MAGI2: variants seen among roughly 807,000 people sequenced by gnomAD.
MAGI2 encodes the protein membrane-associated guanylate kinase, WW and PDZ domain-containing protein 2.
In MAGI2, 35 loss-of-function variants were observed where a neutral mutation model predicts 133.3. The ratio of observed to expected loss-of-function variants is 0.26; its 90% CI spans 0.20 to 0.35. The LOEUF (loss-of-function observed/expected upper bound fraction) is 0.35. Ranked by LOEUF, MAGI2 falls within the 10% of genes least tolerant of loss-of-function variation. MAGI2 has a pLI of 1.00. For missense variants in MAGI2, 1,636 were observed against 1,863.4 expected, an observed-to-expected ratio of 0.88 and a Z score of 2.25; for synonymous variants, 729 against 710.6, an observed-to-expected ratio of 1.03 and a Z score of -0.41.
chr7:78,729,865 A>T (rs1821198601), intron 2 of MAGI2, among the ~76,000 whole-genome samples: 1 of 152,184 alleles, frequency 6.6e-6, no homozygotes, highest in African/African-American at 2.4e-5. Context: ...CTTATCAGGG[A>T]AAATAAACAG....
At chr7:78,147,908 C>A (rs1279091670) in intron 16 of MAGI2, among the ~76,000 whole-genome samples, 6 of 151,672 alleles carry the variant, frequency 4.0e-5, no homozygotes, top group African/African-American at 1.2e-4. Flanking sequence ...ATTAAAAAAA[C>A]CATAAAACCT....
chr7:78,683,975 C>T (rs984555677), intron 2 of MAGI2, among the ~76,000 whole-genome samples: 3 of 152,116 alleles, frequency 2.0e-5, no homozygotes, highest in African/African-American at 7.2e-5. Context: ...ATAAGATTAA[C>T]GGGGCTTCTC....
At chr7:78,286,574 G>A (rs1194283597) in intron 9 of MAGI2, among the ~76,000 whole-genome samples, 1 of 152,146 alleles carries the variant, frequency 6.6e-6, no homozygotes, top group African/African-American at 2.4e-5. Context: ...GCAAGGCATG[G>A]TCTAGGTTTT....
rs115677105 is a variant in MAGI2 at position 78,079,553 on chromosome 7, G to A, written c.3568-468C>T. Among the ~76,000 whole-genome samples, 784 of 152,260 alleles carry A rather than the reference G, an allele frequency of 5.1e-3. 8 individuals carry two copies. Among genetic ancestry groups the A allele is most frequent in the African/African-American group, 0.018 (758 of 41,558 alleles). On this transcript the variant is annotated intron_variant, in intron 20 of 21. Coordinates refer to ENST00000354212, the MANE Select transcript of MAGI2 (RefSeq NM_012301.4). ...TTTATTGGTTTTTGTGCTTCTCTGAGAATTTTTTGTATGTATCATTTAAAT... is the reference window on the plus strand; with the variant it reads ...TTTATTGGTTTTTGTGCTTCTCTGAAAATTTTTTGTATGTATCATTTAAAT...
At chr7:78,209,566 G>A (rs1554501090) in intron 10 of MAGI2, among the ~76,000 whole-genome samples, 1 of 152,020 alleles carries the variant, frequency 6.6e-6, no homozygotes. Flanking sequence ...TGGCCTGAAA[G>A]TCATTCTTAA....
intron 2 of MAGI2, among the ~76,000 whole-genome samples, chr7:78,876,510 A>G (rs1365970069): frequency 2.6e-5 from 4 of 152,092 alleles, no homozygotes; most frequent in African/African-American, 9.7e-5. Flanking sequence ...CAAGAATTTC[A>G]ATTAACCCAA....
At chr7:78,510,354 G>A (rs754936295) in intron 4 of MAGI2, among the ~76,000 whole-genome samples, 1 of 152,164 alleles carries the variant, frequency 6.6e-6, no homozygotes, top group African/African-American at 2.4e-5. Flanking sequence ...ATAAGGATTA[G>A]ATGAGACTTA....
intron 2 of MAGI2, among the ~76,000 whole-genome samples, chr7:78,824,855 C>T (rs1191652775): frequency 2.6e-5 from 4 of 152,026 alleles, no homozygotes; most frequent in African/African-American, 9.7e-5. Flanking sequence ...AAGAAAATGT[C>T]GCATGTATAC....
intron 2 of MAGI2, among the ~76,000 whole-genome samples, chr7:78,885,628 AGTGTGTGT>A (rs61111430): frequency 6.7e-6 from 1 of 148,858 alleles, no homozygotes; most frequent in Admixed American, 6.7e-5. Flanking sequence ...TGAAAGGAAT[AGTGTGTGT>A]GTGTGTGTGT....
At chr7:78,937,887 T>C (rs1328867149) in intron 2 of MAGI2, among the ~76,000 whole-genome samples, 1 of 152,108 alleles carries the variant, frequency 6.6e-6, no homozygotes, top group African/African-American at 2.4e-5. Flanking sequence ...CAAATAGAAA[T>C]TGTATTTGAG....
chr7:79,141,881 A>G (rs545965815), intron 1 of MAGI2, among the ~76,000 whole-genome samples: 12 of 152,248 alleles, frequency 7.9e-5, no homozygotes, highest in African/African-American at 2.2e-4. Context: ...TATGTCTTGA[A>G]TATCAATTAA....
At chr7:79,391,126 A>G (rs1384889473) in intron 1 of MAGI2, among the ~76,000 whole-genome samples, 1 of 152,172 alleles carries the variant, frequency 6.6e-6, no homozygotes, top group Non-Finnish European at 1.5e-5. Context: ...GAAATTTCAG[A>G]AGTTGACTTC....
intron 6 of MAGI2, chr7:78,486,651 G>T: frequency 2.7e-6 from 1 of 373,756 alleles, no homozygotes; most frequent in Non-Finnish European, 5.3e-6. Context: ...TCCCTTATCT[G>T]GTATGTGGAG....
rs574515131 is a variant in MAGI2, at chr7:78,017,205, C to T, written c.*2110G>A. 1 of 152,750 alleles carries T rather than the reference C, an allele frequency of 6.5e-6. No individual in the cohort carries two copies. Among genetic ancestry groups the T allele is most frequent in the South Asian group, 2.1e-4 (1 of 4,832 alleles). The allele number at this position is 152,750 out of a possible 1,614,324, so 9.5% of individuals were successfully genotyped here. On this transcript the variant is annotated 3_prime_UTR_variant, in exon 22 of 22. Coordinates refer to ENST00000354212, the MANE Select transcript of MAGI2 (RefSeq NM_012301.4). ...TTGCTCACTTACAGTCTTTCTGTGA[C>T]TATTAATACATGGAATTATATTTAT...
chr7:78,483,102 T>G (rs1792592179), intron 6 of MAGI2, among the ~76,000 whole-genome samples: 2 of 151,848 alleles, frequency 1.3e-5, no homozygotes, highest in Non-Finnish European at 2.9e-5. Context: ...ACTGTATTTA[T>G]ATAAGTTAAC....
chr7:78,367,703 C>T (rs1793521958), intron 7 of MAGI2, among the ~76,000 whole-genome samples: 1 of 152,170 alleles, frequency 6.6e-6, no homozygotes, highest in Non-Finnish European at 1.5e-5. Flanking sequence ...AGTTCTCTTT[C>T]CTTACATGGA....
intron 1 of MAGI2, among the ~76,000 whole-genome samples, chr7:79,388,271 A>T (rs770231031): frequency 1.3e-5 from 2 of 151,946 alleles, no homozygotes; most frequent in Non-Finnish European, 2.9e-5. Context: ...TAACTTTTCT[A>T]TTGCATTCAT....
chr7:79,041,613 G>C (rs1291695649), intron 1 of MAGI2, among the ~76,000 whole-genome samples: 1 of 152,016 alleles, frequency 6.6e-6, no homozygotes, highest in Non-Finnish European at 1.5e-5. Context: ...GCTGAGAAAT[G>C]CTACTTTTAA....
intron 1 of MAGI2, among the ~76,000 whole-genome samples, chr7:79,419,327 C>A (rs909407650): frequency 2.0e-5 from 3 of 151,896 alleles, no homozygotes; most frequent in Non-Finnish European, 2.9e-5. Flanking sequence ...TCATAGAATG[C>A]AGGACAACAG....
Sources: allele counts gnomAD v4.1 joint callset (sites outside exome capture counted in the v4.1 genomes callset), GRCh38; gene constraint gnomAD v4.1.1; transcripts MANE v1.5; gene names NCBI Gene and HGNC (gene_info 2026-07-23, HGNC 2026-07-21).